The following GMDS variants were observed in gnomAD, a reference collection of about 807,000 sequenced individuals.
GMDS encodes GDP-mannose 4,6 dehydratase.
A neutral mutation model predicts 49.9 loss-of-function variants in GMDS; 20 were observed. That is an observed-to-expected ratio of 0.40 (90% CI 0.28 to 0.58). The LOEUF (loss-of-function observed/expected upper bound fraction) is 0.58. Among genes scored for constraint, GMDS ranks in the 20% least tolerant of loss-of-function variants. GMDS has a pLI of 0.42. For synonymous variants in GMDS, 177 were observed against 178.6 expected, an observed-to-expected ratio of 0.99 and a Z score of 0.07; for missense variants, 362 against 481.4, an observed-to-expected ratio of 0.75 and a Z score of 2.32.
At chr6:2,216,773 C>T (rs1780354906) in intron 1 of GMDS, among the ~76,000 whole-genome samples, 1 of 152,208 alleles carries the variant, frequency 6.6e-6, no homozygotes, top group African/African-American at 2.4e-5. Flanking sequence ...GCCCTTTGTG[C>T]TATCCCTTTT....
At chr6:2,108,590 C>T (rs1581661266) in intron 4 of GMDS, among the ~76,000 whole-genome samples, 2 of 152,226 alleles carry the variant, frequency 1.3e-5, no homozygotes, top group Middle Eastern at 6.8e-3. Context: ...AAAACCAGTT[C>T]CCTCCAGCAA....
chr6:2,115,970 A>G, intron 3 of GMDS, 90 bp from the exon 4 acceptor site: 1 of 794,768 alleles, frequency 1.3e-6, no homozygotes, highest in Non-Finnish European at 2.2e-6. Context: ...ATATTTGGAA[A>G]GTCTGAAAAC....
intron 1 of GMDS, among the ~76,000 whole-genome samples, chr6:2,175,542 G>A (rs1056437635): frequency 2.0e-5 from 3 of 152,188 alleles, no homozygotes; most frequent in African/African-American, 7.2e-5. Flanking sequence ...CTATACCTCA[G>A]CTTGGGAAGA....
intron 7 of GMDS, among the ~76,000 whole-genome samples, chr6:1,780,710 C>T (rs746457269): frequency 4.8e-4 from 73 of 152,350 alleles, no homozygotes; most frequent in Non-Finnish European, 7.9e-4. Context: ...CGGCTCACTG[C>T]CACCTCCCCA....
chr6:2,136,077 G>A (rs929432359), intron 1 of GMDS, among the ~76,000 whole-genome samples: 10 of 151,994 alleles, frequency 6.6e-5, no homozygotes, highest in African/African-American at 2.2e-4. Context: ...GGCAACTGTC[G>A]CACTATTGTA....
At chr6:2,173,486 C>A (rs755811891) in intron 1 of GMDS, among the ~76,000 whole-genome samples, 1 of 152,128 alleles carries the variant, frequency 6.6e-6, no homozygotes, top group African/African-American at 2.4e-5. Context: ...GAGAAAGTCA[C>A]GGATTTAGAA....
At chr6:1,941,969 T>A (rs569777672) in intron 6 of GMDS, among the ~76,000 whole-genome samples, 1 of 152,250 alleles carries the variant, frequency 6.6e-6, no homozygotes, top group East Asian at 1.9e-4. Flanking sequence ...CTGTCTCTGC[T>A]CCTACGCCGT....
intron 1 of GMDS, among the ~76,000 whole-genome samples, chr6:2,221,967 C>T (rs900668708): frequency 2.0e-5 from 3 of 151,934 alleles, no homozygotes; most frequent in African/African-American, 7.2e-5. Context: ...GTCAAAGGGC[C>T]GTAAAGAAAC....
At chr6:1,895,143 G>A (rs533478268) in intron 7 of GMDS, among the ~76,000 whole-genome samples, 79 of 152,226 alleles carry the variant, frequency 5.2e-4, no homozygotes, top group African/African-American at 1.9e-3. Flanking sequence ...TTATCCGATG[G>A]GCAACGAGTT....
chr6:2,021,579 A>G (rs1462808961), intron 4 of GMDS, among the ~76,000 whole-genome samples: 1 of 152,218 alleles, frequency 6.6e-6, no homozygotes, highest in African/African-American at 2.4e-5. Flanking sequence ...AATTAATATA[A>G]TAAGTAAAAT....
At chr6:2,167,393 T>A (rs1562114689) in intron 1 of GMDS, among the ~76,000 whole-genome samples, 1 of 152,188 alleles carries the variant, frequency 6.6e-6, no homozygotes, top group Non-Finnish European at 1.5e-5. Context: ...TCAACTAGTA[T>A]ACTAGTTTCC....
intron 9 of GMDS, among the ~76,000 whole-genome samples, chr6:1,698,970 C>T (rs1246187766): frequency 2.6e-5 from 4 of 152,162 alleles, no homozygotes; most frequent in Non-Finnish European, 4.4e-5. Context: ...GTGGTCAAAA[C>T]TCCCAATCTC....
chr6:1,726,512 C>T lies in GMDS; in HGVS notation c.891G>A (p.Val297=), dbSNP rs750925689. The change falls in exon 9 of 11, where the codon GTG becomes GTA. Residue 297 remains valine (V), a splice_region_variant and synonymous_variant. Coordinates refer to ENST00000380815, the MANE Select transcript of GMDS (RefSeq NM_001500.4). ...KSFLHIGKTI[V]WEGKNENEVG... ...CTTCATTTTCATTCTTTCCTTCCCA[C>T]CTGTAAGGAAGATAAACACTGAATC... is the stretch of plus-strand genomic sequence containing the variant. 1.9e-6 allele frequency: 3 copies of T among 1,600,588 alleles called. No homozygotes were observed. The highest frequency in any genetic ancestry group is 1.3e-5 in the African/African-American group (1 of 74,686).
intron 4 of GMDS, among the ~76,000 whole-genome samples, chr6:1,976,153 A>T (rs1764887243): frequency 6.6e-6 from 1 of 152,180 alleles, no homozygotes; most frequent in African/African-American, 2.4e-5. Flanking sequence ...GAGATCATAG[A>T]TCAGCCCATT....
intron 4 of GMDS, among the ~76,000 whole-genome samples, chr6:2,011,113 C>T (rs190809314): frequency 2.6e-5 from 4 of 152,148 alleles, no homozygotes; most frequent in African/African-American, 4.8e-5. Context: ...AAAACCAAAA[C>T]ATTAAAAGGG....
intron 7 of GMDS, among the ~76,000 whole-genome samples, chr6:1,926,216 CCT>C (rs1761998457): frequency 6.6e-6 from 1 of 152,192 alleles, no homozygotes; most frequent in Admixed American, 6.5e-5. Context: ...TACAGAAAGC[CCT>C]CTGTCCTGGA....
intron 4 of GMDS, among the ~76,000 whole-genome samples, chr6:1,999,676 G>A (rs1211169632): frequency 6.7e-6 from 1 of 149,990 alleles, no homozygotes; most frequent in African/African-American, 2.5e-5. Context: ...AATAAAATGA[G>A]AACATAAATT....
chr6:2,138,278 G>A (rs1776109898), intron 1 of GMDS, among the ~76,000 whole-genome samples: 1 of 152,180 alleles, frequency 6.6e-6, no homozygotes, highest in Non-Finnish European at 1.5e-5. Context: ...GGGTCATGTA[G>A]TCTATAGGCA....
chr6:1,987,532 G>A (rs75585580), intron 4 of GMDS, among the ~76,000 whole-genome samples: 4,860 of 152,174 alleles, frequency 0.032, 253 homozygotes, highest in African/African-American at 0.11. Flanking sequence ...GGACACAATC[G>A]TGAAGGGAAC....
Sources: gnomAD v4.1 joint callset for allele counts (sites outside exome capture counted in the v4.1 genomes callset) on GRCh38, gnomAD v4.1.1 for gene constraint, MANE v1.5 for transcripts, NCBI Gene and HGNC (gene_info 2026-07-23, HGNC 2026-07-21) for gene names.